The following EXPH5 variants were observed in gnomAD, a reference collection of about 807,000 sequenced individuals.
EXPH5 encodes exophilin-5.
EXPH5 carries 42 observed loss-of-function variants against 41.1 expected under a neutral mutation model. That is an observed-to-expected ratio of 1.02 (90% CI 0.80 to 1.32). EXPH5 has a LOEUF of 1.32. EXPH5 is among the 40% of genes most tolerant of loss of function. The pLI is 0.00. For synonymous variants in EXPH5, 798 were observed against 833.5 expected, an observed-to-expected ratio of 0.96 and a Z score of 0.73; for missense variants, 2,298 against 2,314.5, an observed-to-expected ratio of 0.99 and a Z score of 0.15.
intron 1 of EXPH5, among the ~76,000 whole-genome samples, chr11:108,576,596 C>G (rs1233997581): frequency 1.3e-5 from 2 of 151,998 alleles, no homozygotes; most frequent in Non-Finnish European, 2.9e-5. Context: ...GAATTTGCTT[C>G]TAATTTTTAT....
chr11:108,560,120 T>C (rs924865897), intron 1 of EXPH5, among the ~76,000 whole-genome samples: 1 of 152,198 alleles, frequency 6.6e-6, no homozygotes, highest in Non-Finnish European at 1.5e-5. Context: ...TGCAGAAAGC[T>C]GAGGAAATGC....
At chr11:108,587,740 G>C (rs1565837569) in intron 1 of EXPH5, among the ~76,000 whole-genome samples, 1 of 152,084 alleles carries the variant, frequency 6.6e-6, no homozygotes, top group Non-Finnish European at 1.5e-5. Flanking sequence ...CAAAGAAACA[G>C]TTTTATTTAT....
At chr11:108,573,143 A>T (rs748566606) in intron 1 of EXPH5, among the ~76,000 whole-genome samples, 5 of 98,338 alleles carry the variant, frequency 5.1e-5, no homozygotes, top group Non-Finnish European at 9.8e-5. Context: ...AAAGAAGGAA[A>T]GAAAGAAAGA....
At chr11:108,522,327 G>C (rs2093770383) in intron 4 of EXPH5, among the ~76,000 whole-genome samples, 1 of 152,092 alleles carries the variant, frequency 6.6e-6, no homozygotes, top group Non-Finnish European at 1.5e-5. Context: ...GTTGTTAGCA[G>C]CAGCAACTAA....
At chr11:108,524,149 T>C (rs2093782652) in intron 4 of EXPH5, among the ~76,000 whole-genome samples, 2 of 152,208 alleles carry the variant, frequency 1.3e-5, no homozygotes, top group African/African-American at 4.8e-5. Flanking sequence ...GACAGTGTAG[T>C]GGTTAAGCAC....
intron 1 of EXPH5, among the ~76,000 whole-genome samples, chr11:108,586,691 C>T (rs940089581): frequency 7.0e-6 from 1 of 142,692 alleles, no homozygotes; most frequent in African/African-American, 2.7e-5. Flanking sequence ...TTAAATGCAT[C>T]GTTTCAAAGT....
At chr11:108,521,820 A>G (rs749461463) in intron 4 of EXPH5, among the ~76,000 whole-genome samples, 10 of 152,356 alleles carry the variant, frequency 6.6e-5, no homozygotes, top group Admixed American at 5.2e-4. Flanking sequence ...AACAGTAGGC[A>G]TAATTCTCTC....
rs771531662 is a variant in EXPH5, at chr11:108,511,770, C to T, written c.3737G>A (p.Cys1246Tyr). Residue 1246 changes from cysteine to tyrosine, a missense_variant, in exon 6 of 6, where the codon TGT (cysteine) becomes TAT (tyrosine). By Grantham distance (194) the Cys-to-Tyr change is radical (BLOSUM62 -2). Coordinates refer to ENST00000265843, the MANE Select transcript of EXPH5 (RefSeq NM_015065.3). Reference protein sequence around the residue: ...SVSGDEDNVKCLEVVSIYYTL... With the variant: ...SVSGDEDNVKYLEVVSIYYTL... Reference sequence around the variant, plus strand: ...GTAATATATTGAGACCACCTCCAGACATTTTACATTATCTTCATCACCAGA... The same window carrying T: ...GTAATATATTGAGACCACCTCCAGATATTTTACATTATCTTCATCACCAGA... The T allele has an allele frequency of 6.8e-6, 11 of 1,610,658 alleles. No individual in the cohort carries two copies. The highest frequency in any genetic ancestry group is 9.3e-6 in the Non-Finnish European group (11 of 1,179,280).
At chr11:108,596,126 C>T (rs144672708), upstream of EXPH5, among the ~76,000 whole-genome samples, 1,160 of 150,666 alleles carry the variant, frequency 7.7e-3, 19 homozygotes, top group African/African-American at 0.026. Flanking sequence ...ACCCGGGAGG[C>T]GGAGGTTGCA....
chr11:108,606,450 T>A, the EXPH5 span, among the ~76,000 whole-genome samples: 1 of 152,188 alleles, frequency 6.6e-6, no homozygotes, highest in Admixed American at 6.6e-5. Context: ...CTGTACCTGC[T>A]CCAACCCACC....
intron 1 of EXPH5, among the ~76,000 whole-genome samples, chr11:108,548,115 A>G (rs1242957551): frequency 6.9e-6 from 1 of 145,972 alleles, no homozygotes; most frequent in African/African-American, 2.5e-5. Flanking sequence ...TCTTTAAAAA[A>G]AAAAAAAAAA....
chr11:108,548,084 G>T (rs532600496), intron 1 of EXPH5, among the ~76,000 whole-genome samples: 1 of 142,802 alleles, frequency 7.0e-6, no homozygotes, highest in Non-Finnish European at 1.5e-5. Context: ...ACTCCAGCCT[G>T]GGCGACAGAG....
chr11:108,510,973 G>C lies in EXPH5; in HGVS notation c.4534C>G (p.Pro1512Ala). 1 of 1,614,140 alleles carries C rather than the reference G, an allele frequency of 6.2e-7. No homozygotes were observed. The highest frequency in any genetic ancestry group is 8.5e-7 in the Non-Finnish European group (1 of 1,180,004). ...CCAAGCTGTAGTTTATGCAATGCTGGAGTAAGGGCAAAGACTTGACTCTCT... is the reference window on the plus strand; with the variant it reads ...CCAAGCTGTAGTTTATGCAATGCTGCAGTAAGGGCAAAGACTTGACTCTCT... The part of the protein sequence containing the change: ...HSESQVFALT[P>A]ALHKLQLGEE... Residue 1512 changes from proline to alanine, a missense_variant, in exon 6 of 6, where the codon CCA becomes GCA. Physicochemically the swap from Pro to Ala is conservative, Grantham distance 27. Coordinates refer to ENST00000265843, the MANE Select transcript of EXPH5 (RefSeq NM_015065.3).
intron 1 of EXPH5, 63 bp downstream of exon 1, chr11:108,593,355 C>T: frequency 6.8e-7 from 1 of 1,468,974 alleles, no homozygotes; most frequent in East Asian, 2.3e-5. Flanking sequence ...AGCGCCTTCC[C>T]CGCGGATCCC....
At chr11:108,583,525 T>A (rs1298663197) in intron 1 of EXPH5, among the ~76,000 whole-genome samples, 1 of 151,180 alleles carries the variant, frequency 6.6e-6, no homozygotes, top group African/African-American at 2.4e-5. Context: ...TAGAACCAGA[T>A]AAAAGTCATC....
chr11:108,573,180 GAA>G lies in EXPH5; in HGVS notation c.119+20236_119+20237del, dbSNP rs775601742. Among the ~76,000 whole-genome samples, 872 of 144,496 alleles carry G rather than the reference GAA, an allele frequency of 6.0e-3. 5 individuals carry two copies. The highest frequency in any genetic ancestry group is 0.021 in the African/African-American group (765 of 36,356). 94.8% of individuals were successfully genotyped at this position (144,496 alleles called of 152,430 possible). A position where few individuals can be genotyped will look rare whatever the true frequency, so the allele number is the denominator to read the frequency against. On this transcript the variant is annotated intron_variant, in intron 1 of 5. Coordinates refer to ENST00000265843, the MANE Select transcript of EXPH5 (RefSeq NM_015065.3). ...AGAAAGAAAGAAAGAAAGAAAGAAA[GAA>G]AGAAAGAAAGAAAGAAAAAGAAAGA... is the stretch of plus-strand genomic sequence containing the variant.
Position 108,513,626 on chromosome 11 carries a change from G to C in EXPH5, c.1881C>G (p.Phe627Leu), listed in dbSNP as rs931303022. The change falls in exon 6 of 6, where the codon TTC (phenylalanine) becomes TTG (leucine). Residue 627 changes from phenylalanine (F) to leucine (L), a missense_variant. Transcript: ENST00000265843. ...CAGAAATCTGGGAAAAGGAAGTTTT[G>C]AATGAGGATGCTAGAGTCTGAGCAA... Reference protein sequence around the residue: ...FGIAQTLASSFKTSFSQISDD... With the variant: ...FGIAQTLASSLKTSFSQISDD... 1 of 1,612,936 alleles carries C rather than the reference G, an allele frequency of 6.2e-7. No individual in the cohort carries two copies. Among genetic ancestry groups the C allele is most frequent in the Non-Finnish European group, 8.5e-7 (1 of 1,179,530 alleles).
chr11:108,577,892 T>C (rs2094085184), intron 1 of EXPH5, among the ~76,000 whole-genome samples: 1 of 152,066 alleles, frequency 6.6e-6, no homozygotes, highest in Admixed American at 6.5e-5. Flanking sequence ...AAATTTGATT[T>C]TTTTTTGCTA....
chr11:108,596,853 G>A (rs2094139518), upstream of EXPH5, among the ~76,000 whole-genome samples: 1 of 152,062 alleles, frequency 6.6e-6, no homozygotes, highest in Non-Finnish European at 1.5e-5. Context: ...AACTGCTTTT[G>A]TGGAGTTTTA....
Sources: gnomAD v4.1 joint callset for allele counts (sites outside exome capture counted in the v4.1 genomes callset) on GRCh38, gnomAD v4.1.1 for gene constraint, MANE v1.5 for transcripts, NCBI Gene and HGNC (gene_info 2026-07-23, HGNC 2026-07-21) for gene names.